The following KIAA1217 variants were observed in gnomAD, a reference collection of about 807,000 sequenced individuals.
KIAA1217 encodes KIAA1217.
A neutral mutation model predicts 163.9 loss-of-function variants in KIAA1217; 88 were observed. That is an observed-to-expected ratio of 0.54 (90% CI 0.45 to 0.64). The LOEUF (loss-of-function observed/expected upper bound fraction) is 0.64. Ranked by LOEUF, KIAA1217 falls within the 30% of genes least tolerant of loss-of-function variation. The pLI is 0.00. For synonymous variants in KIAA1217, 903 were observed against 923.1 expected, an observed-to-expected ratio of 0.98 and a Z score of 0.39; for missense variants, 2,372 against 2,475.0, an observed-to-expected ratio of 0.96 and a Z score of 0.88.
At chr10:23,824,116 A>G (rs559526124) in intron 1 of KIAA1217, among the ~76,000 whole-genome samples, 9 of 152,156 alleles carry the variant, frequency 5.9e-5, no homozygotes, top group African/African-American at 2.2e-4. Context: ...TACAAAAAAT[A>G]CAAAAAATTA....
chr10:23,894,991 C>A (rs548293200), intron 1 of KIAA1217, among the ~76,000 whole-genome samples: 24 of 152,244 alleles, frequency 1.6e-4, no homozygotes, highest in African/African-American at 5.8e-4. Context: ...AAAATTAATT[C>A]AAGATTGATT....
chr10:24,428,633 G>A (rs1245813115), intron 3 of KIAA1217, among the ~76,000 whole-genome samples: 7 of 151,890 alleles, frequency 4.6e-5, no homozygotes, highest in African/African-American at 1.7e-4. Flanking sequence ...TAAATCATTC[G>A]TTTATTCATT....
intron 2 of KIAA1217, among the ~76,000 whole-genome samples, chr10:24,088,499 A>T (rs541876143): frequency 1.1e-5 from 1 of 94,622 alleles, no homozygotes; most frequent in East Asian, 2.3e-4. Flanking sequence ...CCTGTGTCCA[A>T]GTGTTCTCAT....
At chr10:23,931,948 G>T (rs60733290) in intron 1 of KIAA1217, among the ~76,000 whole-genome samples, 20,383 of 151,980 alleles carry the variant, frequency 0.13, 3,196 homozygotes, top group African/African-American at 0.38. Context: ...GACAAAAAAT[G>T]GGGCCAGTTA....
At chr10:23,905,361 G>A (rs1842117917) in intron 1 of KIAA1217, among the ~76,000 whole-genome samples, 1 of 151,946 alleles carries the variant, frequency 6.6e-6, no homozygotes, top group African/African-American at 2.4e-5. Flanking sequence ...GGCATGTCCT[G>A]CCCCACACCC....
In KIAA1217 at chr10:24,515,378, TTC is replaced by T. The variant is rs1158300540; in HGVS notation, c.2177+1946_2177+1947del. 8.0e-3 allele frequency among the ~76,000 whole-genome samples: 1,220 copies of T among 152,328 alleles called. 15 individuals carry two copies. Among genetic ancestry groups the T allele is most frequent in the African/African-American group, 0.028 (1,163 of 41,584 alleles). Reference sequence around the variant, plus strand: ...CCACCACGCCCGGCCAGTAAATTTCTTCTTTTTAAAAATTGTGTTTATTGGTT... The same window carrying T: ...CCACCACGCCCGGCCAGTAAATTTCTTTTTTAAAAATTGTGTTTATTGGTT... On this transcript the variant is annotated intron_variant, in intron 10 of 20. Coordinates refer to ENST00000376454, the MANE Select transcript of KIAA1217 (RefSeq NM_019590.5).
chr10:24,295,563 T>C (rs1200441341), intron 2 of KIAA1217, among the ~76,000 whole-genome samples: 2 of 152,182 alleles, frequency 1.3e-5, no homozygotes, highest in African/African-American at 2.4e-5. Flanking sequence ...AGCTCAGTTC[T>C]AGACTTCTTG....
At chr10:23,909,890 G>T (rs1842355818) in intron 1 of KIAA1217, among the ~76,000 whole-genome samples, 1 of 152,300 alleles carries the variant, frequency 6.6e-6, no homozygotes, top group Non-Finnish European at 1.5e-5. Flanking sequence ...CAGAATGGTT[G>T]AACTAATTTA....
chr10:24,263,742 A>T (rs1178055276), intron 2 of KIAA1217, among the ~76,000 whole-genome samples: 1 of 152,164 alleles, frequency 6.6e-6, no homozygotes, highest in African/African-American at 2.4e-5. Flanking sequence ...TCATGTTACG[A>T]GATGCCTCTA....
intron 2 of KIAA1217, among the ~76,000 whole-genome samples, chr10:24,313,188 C>A (rs970233033): frequency 6.6e-6 from 1 of 152,102 alleles, no homozygotes; most frequent in Admixed American, 6.5e-5. Context: ...AACAGTAGAG[C>A]GGGACGTATT....
At chr10:24,007,312 A>T (rs1156519167) in exon 2 of KIAA1217, 1 of 152,184 alleles carries the variant, frequency 6.6e-6, no homozygotes, top group African/African-American at 2.4e-5. Flanking sequence ...CCTGGGAATC[A>T]TCCCTGAAAG....
intron 5 of KIAA1217, among the ~76,000 whole-genome samples, chr10:24,454,640 A>G (rs973092749): frequency 2.0e-5 from 3 of 152,172 alleles, no homozygotes; most frequent in Non-Finnish European, 2.9e-5. Flanking sequence ...TCAGGGTCTG[A>G]TAGCTTCGTC....
At position 23,817,136 on chromosome 10, in the gene KIAA1217, T is replaced by C. The variant is rs1158457249; in HGVS notation, c.-321+121902T>C. On this transcript the variant is annotated intron_variant, in intron 1 of 18. Coordinates refer to the KIAA1217 transcript ENST00000376462. ...GCCATACTCTAAGAGTATTATATAATATTCATTTTAAATGATTTGAAGTAA... is the reference window on the plus strand; with the variant it reads ...GCCATACTCTAAGAGTATTATATAACATTCATTTTAAATGATTTGAAGTAA... Among the ~76,000 whole-genome samples the C allele has an allele frequency of 3.3e-5, 5 of 152,224 alleles. No homozygotes were observed. The East Asian group carries it at 9.6e-4, about 29-fold the overall frequency.
Position 24,546,661 on chromosome 10 carries a change from A to G in KIAA1217, c.*337A>G, listed in dbSNP as rs926646391. ...AAAACATGTATGATTCCAGAATTTT[A>G]GTATGTTTTGTATAAAACTATTTTT... On this transcript the variant is annotated 3_prime_UTR_variant, in exon 21 of 21. Coordinates refer to ENST00000376454, the MANE Select transcript of KIAA1217 (RefSeq NM_019590.5). The G allele has an allele frequency of 9.9e-6, 2 of 202,564 alleles. No homozygotes were observed. The highest frequency in any genetic ancestry group is 2.0e-5 in the Non-Finnish European group (2 of 100,320). 12.5% of individuals were successfully genotyped at this position (202,564 alleles called of 1,614,324 possible).
At chr10:24,228,496 T>G (rs891846705) in intron 2 of KIAA1217, among the ~76,000 whole-genome samples, 1 of 152,150 alleles carries the variant, frequency 6.6e-6, no homozygotes, top group Non-Finnish European at 1.5e-5. Flanking sequence ...ATTTTATTTC[T>G]TACACACACA....
At chr10:23,911,626 G>C (rs139252166) in intron 1 of KIAA1217, among the ~76,000 whole-genome samples, 1 of 152,282 alleles carries the variant, frequency 6.6e-6, no homozygotes, top group African/African-American at 2.4e-5. Flanking sequence ...GAAGGAAAAT[G>C]TATTTATTAT....
At chr10:24,545,658 T>G in intron 20 of KIAA1217, 169 bp from the exon 21 acceptor site, 2 of 1,420,682 alleles carry the variant, frequency 1.4e-6, no homozygotes, top group South Asian at 1.6e-5. Context: ...ACATGGGGGG[T>G]TTCTACCAGG....
intron 1 of KIAA1217, among the ~76,000 whole-genome samples, chr10:23,830,700 A>G (rs1270805825): frequency 1.3e-5 from 2 of 151,768 alleles, no homozygotes; most frequent in East Asian, 1.9e-4. Flanking sequence ...GTAGGTAGGT[A>G]GGTAGGTAGA....
intron 2 of KIAA1217, among the ~76,000 whole-genome samples, chr10:24,117,480 A>G (rs993044464): frequency 6.6e-6 from 1 of 151,934 alleles, no homozygotes; most frequent in Admixed American, 6.6e-5. Context: ...TCTCTACAAA[A>G]ATTAGCTGGG....
Sources: gnomAD v4.1 joint callset for allele counts (sites outside exome capture counted in the v4.1 genomes callset) on GRCh38, gnomAD v4.1.1 for gene constraint, MANE v1.5 for transcripts, NCBI Gene and HGNC (gene_info 2026-07-23, HGNC 2026-07-21) for gene names.